Variants in NDST3 observed in about 807,000 individuals in gnomAD.
NDST3 encodes N-deacetylase and N-sulfotransferase 3, also known as bifunctional heparan sulfate N-deacetylase/N-sulfotransferase 3.
In NDST3, 58 loss-of-function variants were observed where a neutral mutation model predicts 96.1. That is an observed-to-expected ratio of 0.60 (90% CI 0.49 to 0.75). The LOEUF is 0.75. Among genes scored for constraint, NDST3 ranks in the 30% least tolerant of loss-of-function variants. The pLI is 0.00. For synonymous variants in NDST3, 333 were observed against 359.7 expected (o/e 0.93, Z 0.84); for missense variants, 788 against 1,034.2 (o/e 0.76, Z 3.27).
At chr4:118,211,262 TACCC>T (rs1738777689) in intron 6 of NDST3, among the ~76,000 whole-genome samples, 1 of 151,946 alleles carries the variant, frequency 6.6e-6, no homozygotes, top group Admixed American at 6.6e-5. Context: ...AAGGGAAAAC[TACCC>T]ATACTGAACA....
chr4:118,241,657 T>C (rs1321854646), intron 11 of NDST3, among the ~76,000 whole-genome samples: 1 of 152,234 alleles, frequency 6.6e-6, no homozygotes, highest in Non-Finnish European at 1.5e-5. Context: ...CTCTGTCAGA[T>C]TACATCTGAG....
intron 5 of NDST3, among the ~76,000 whole-genome samples, chr4:118,141,109 A>G (rs1733538961): frequency 6.6e-6 from 1 of 152,148 alleles, no homozygotes; most frequent in South Asian, 2.1e-4. Context: ...TATTGACTTC[A>G]GTCCACATTG....
chr4:118,058,634 T>C (rs1183162740), intron 2 of NDST3, among the ~76,000 whole-genome samples: 331 of 11,532 alleles, frequency 0.029, 1 homozygote, highest in East Asian at 0.28. Flanking sequence ...TGTGTGTGTG[T>C]GCGCGCGCGC....
chr4:118,206,366 T>C (rs892072893), intron 6 of NDST3, among the ~76,000 whole-genome samples: 2 of 144,990 alleles, frequency 1.4e-5, no homozygotes, highest in Non-Finnish European at 1.5e-5. Flanking sequence ...AGGTGGGTAA[T>C]ATTTGAGATG....
chr4:118,047,747 T>C (rs1432129012), intron 1 of NDST3, among the ~76,000 whole-genome samples: 1 of 152,172 alleles, frequency 6.6e-6, no homozygotes, highest in Non-Finnish European at 1.5e-5. Flanking sequence ...AAATATGGGT[T>C]ATGTAAAGAC....
intron 6 of NDST3, among the ~76,000 whole-genome samples, chr4:118,166,272 C>T (rs1735545490): frequency 6.6e-6 from 1 of 151,640 alleles, no homozygotes; most frequent in Admixed American, 6.6e-5. Flanking sequence ...CTATAATGTA[C>T]AATTATACAC....
intron 4 of NDST3, among the ~76,000 whole-genome samples, chr4:118,128,566 T>C (rs1732322127): frequency 6.6e-6 from 1 of 152,214 alleles, no homozygotes. Flanking sequence ...ATCTTTTTAA[T>C]GTATTGTTGG....
At chr4:118,220,393 G>T (rs902951531) in intron 6 of NDST3, among the ~76,000 whole-genome samples, 2 of 151,892 alleles carry the variant, frequency 1.3e-5, no homozygotes, top group African/African-American at 4.8e-5. Flanking sequence ...ATAAGAGGTA[G>T]TTGAACAATG....
intron 3 of NDST3, among the ~76,000 whole-genome samples, chr4:118,108,857 A>G (rs1730414942): frequency 6.6e-6 from 1 of 151,554 alleles, no homozygotes; most frequent in South Asian, 2.1e-4. Context: ...AATATATAAA[A>G]TACACATTTT....
intron 6 of NDST3, among the ~76,000 whole-genome samples, chr4:118,204,172 T>G (rs1738282465): frequency 6.6e-6 from 1 of 152,152 alleles, no homozygotes; most frequent in Non-Finnish European, 1.5e-5. Flanking sequence ...TCATCCCCAG[T>G]TGCTGTGAAA....
intron 6 of NDST3, among the ~76,000 whole-genome samples, chr4:118,155,756 A>T (rs1368446811): frequency 1.3e-5 from 2 of 152,216 alleles, no homozygotes; most frequent in African/African-American, 4.8e-5. Context: ...CAATAACATT[A>T]AGTGAGAACT....
chr4:118,255,775 A>G lies in NDST3; in HGVS notation c.*63A>G. 6.8e-7 allele frequency: 1 copy of G among 1,468,320 alleles called. No individual in the cohort carries two copies. Among genetic ancestry groups the G allele is most frequent in the Non-Finnish European group, 9.1e-7 (1 of 1,099,118 alleles). 91.0% of individuals were successfully genotyped at this position (1,468,320 alleles called of 1,614,324 possible). ...AACACACCTTTTCCAAAGCTTCCAG[A>G]AGCTACCAAAAGGCAGTTGAAAAAT... On this transcript the variant is annotated 3_prime_UTR_variant, in exon 14 of 14. Coordinates refer to ENST00000296499, the MANE Select transcript of NDST3 (RefSeq NM_004784.3).
At chr4:118,216,637 G>A (rs571674693) in intron 6 of NDST3, among the ~76,000 whole-genome samples, 3 of 152,130 alleles carry the variant, frequency 2.0e-5, no homozygotes, top group East Asian at 1.9e-4. Context: ...TAAAGATATA[G>A]TTTATTTAAA....
chr4:118,258,404 C>T lies in NDST3; in HGVS notation c.*2692C>T, dbSNP rs533382690. 1.3e-5 allele frequency: 2 copies of T among 152,174 alleles called. No homozygotes were observed. Among genetic ancestry groups the T allele is most frequent in the Non-Finnish European group, 2.9e-5 (2 of 68,028 alleles). 9.4% of individuals were successfully genotyped at this position (152,174 alleles called of 1,614,324 possible). A position where few individuals can be genotyped will look rare whatever the true frequency, so the allele number is the denominator to read the frequency against. Reference sequence around the variant, plus strand: ...TAATGAGAGATAATCTGATTTAAAACTAGCTTTGTATAGAATTCCCTTTTT... The same window carrying T: ...TAATGAGAGATAATCTGATTTAAAATTAGCTTTGTATAGAATTCCCTTTTT... On this transcript the variant is annotated 3_prime_UTR_variant, in exon 14 of 14. Coordinates refer to ENST00000296499, the MANE Select transcript of NDST3 (RefSeq NM_004784.3).
intron 12 of NDST3, among the ~76,000 whole-genome samples, chr4:118,247,023 A>G (rs2126010435): frequency 6.6e-6 from 1 of 152,320 alleles, no homozygotes; most frequent in South Asian, 2.1e-4. Flanking sequence ...TAAAAACTAA[A>G]CAGAATCTCA....
At chr4:118,166,313 A>ATATATT (rs1735548943) in intron 6 of NDST3, among the ~76,000 whole-genome samples, 1 of 151,918 alleles carries the variant, frequency 6.6e-6, no homozygotes, top group Admixed American at 6.6e-5. Context: ...GAAAAAATGG[A>ATATATT]TATATTTCTA....
intron 2 of NDST3, among the ~76,000 whole-genome samples, chr4:118,103,810 C>T (rs1386967078): frequency 6.6e-6 from 1 of 152,076 alleles, no homozygotes; most frequent in Non-Finnish European, 1.5e-5. Flanking sequence ...GCTGTGCACA[C>T]CAAAAAGCTT....
At chr4:118,096,697 AG>A (rs1729341266) in intron 2 of NDST3, among the ~76,000 whole-genome samples, 1 of 151,640 alleles carries the variant, frequency 6.6e-6, no homozygotes, top group African/African-American at 2.4e-5. Context: ...ATAGATAGAT[AG>A]ATAGATAGAT....
chr4:118,213,961 G>T (rs1173315025), intron 6 of NDST3, among the ~76,000 whole-genome samples: 1 of 152,074 alleles, frequency 6.6e-6, no homozygotes, highest in African/African-American at 2.4e-5. Flanking sequence ...CATGACTGTA[G>T]ATATAATAAA....
Sources: allele counts gnomAD v4.1 joint callset (sites outside exome capture counted in the v4.1 genomes callset), GRCh38; gene constraint gnomAD v4.1.1; transcripts MANE v1.5; gene names NCBI Gene and HGNC (gene_info 2026-07-23, HGNC 2026-07-21).